PPM1H: variants seen among roughly 807,000 people sequenced by gnomAD.
PPM1H encodes protein phosphatase 1H.
PPM1H carries 27 observed loss-of-function variants against 54.9 expected under a neutral mutation model. The observed-to-expected ratio is 0.49, with a 90% confidence interval of 0.36 to 0.68. The LOEUF is 0.68. Ranked by LOEUF, PPM1H falls within the 30% of genes least tolerant of loss-of-function variation. The pLI is 0.00. For missense variants in PPM1H, 596 were observed against 667.8 expected (o/e 0.89, Z 1.19); for synonymous variants, 305 against 270.8 (o/e 1.13, Z -1.24).
intron 8 of PPM1H, among the ~76,000 whole-genome samples, chr12:62,684,997 T>TC (rs896726913): frequency 2.0e-5 from 3 of 151,980 alleles, no homozygotes; most frequent in Non-Finnish European, 2.9e-5. Flanking sequence ...CTCTTCCGCT[T>TC]CCCTTCTAAC....
At chr12:62,658,779 A>AAAAG (rs1181486989) in intron 9 of PPM1H, 3 of 434,658 alleles carry the variant, frequency 6.9e-6, no homozygotes, top group African/African-American at 2.0e-5. Flanking sequence ...ACTGTGATAG[A>AAAAG]AAAGAAAGAA....
chr12:62,902,147 G>T (rs1871177794), intron 1 of PPM1H, among the ~76,000 whole-genome samples: 1 of 151,944 alleles, frequency 6.6e-6, no homozygotes, highest in Non-Finnish European at 1.5e-5. Flanking sequence ...CAGATCACGA[G>T]GTCAGGAGTT....
chr12:62,704,002 G>A (rs914060682), intron 6 of PPM1H, among the ~76,000 whole-genome samples: 3 of 151,808 alleles, frequency 2.0e-5, no homozygotes, highest in Admixed American at 2.0e-4. Flanking sequence ...GTGTGTGTGT[G>A]TGTGTGTGTG....
At chr12:62,820,500 G>A (rs933287895) in intron 2 of PPM1H, among the ~76,000 whole-genome samples, 7 of 152,204 alleles carry the variant, frequency 4.6e-5, no homozygotes, top group African/African-American at 1.2e-4. Context: ...ATTAGGGGCC[G>A]ACTGACACCT....
At chr12:62,906,056 G>A (rs916681513) in intron 1 of PPM1H, among the ~76,000 whole-genome samples, 1 of 152,154 alleles carries the variant, frequency 6.6e-6, no homozygotes, top group Admixed American at 6.5e-5. Flanking sequence ...ATATAAAATG[G>A]AGCCTAGCCA....
At chr12:62,723,611 A>G (rs2076274915) in intron 5 of PPM1H, among the ~76,000 whole-genome samples, 2 of 152,166 alleles carry the variant, frequency 1.3e-5, no homozygotes, top group Admixed American at 1.3e-4. Context: ...AGAGCAAGAA[A>G]GCCCTTACCA....
chr12:62,777,882 C>T lies in PPM1H; in HGVS notation c.869+10344G>A, dbSNP rs190415391. Among the ~76,000 whole-genome samples the T allele has an allele frequency of 7.0e-4, 107 of 152,290 alleles. No homozygotes were observed. In the East Asian group the frequency reaches 0.014, roughly 21 times the overall value. On this transcript the variant is annotated intron_variant, in intron 4 of 9. Transcript: ENST00000228705. ...ATCTTTGCTTTCTATGATGAACTTT[C>T]CAAAGACAAATATTTGGTATGCTGT...
chr12:62,892,178 A>G (rs1870821552), intron 1 of PPM1H, among the ~76,000 whole-genome samples: 1 of 152,218 alleles, frequency 6.6e-6, no homozygotes, highest in Non-Finnish European at 1.5e-5. Context: ...TCTAAATTCA[A>G]CTTTTTTTCC....
At chr12:62,654,203 G>T (rs2075831083) in intron 9 of PPM1H, among the ~76,000 whole-genome samples, 1 of 114,776 alleles carries the variant, frequency 8.7e-6, no homozygotes, top group Non-Finnish European at 1.7e-5. Context: ...GGGTGACAGA[G>T]AGAGACTCTT....
intron 9 of PPM1H, among the ~76,000 whole-genome samples, chr12:62,656,847 G>A (rs2075847048): frequency 6.6e-6 from 1 of 152,118 alleles, no homozygotes; most frequent in South Asian, 2.1e-4. Context: ...TGGCGTCTTG[G>A]TGGGTGGAGG....
chr12:62,828,595 C>T (rs907358231), intron 2 of PPM1H, among the ~76,000 whole-genome samples: 10 of 152,184 alleles, frequency 6.6e-5, no homozygotes, highest in Non-Finnish European at 5.9e-5. Flanking sequence ...TTTTGTCTCC[C>T]TCTACGAATG....
intron 4 of PPM1H, among the ~76,000 whole-genome samples, chr12:62,740,536 C>T (rs1394784073): frequency 6.6e-6 from 1 of 152,270 alleles, no homozygotes; most frequent in East Asian, 1.9e-4. Flanking sequence ...TAGGTTAGAC[C>T]CCTATCCCTC....
chr12:62,836,230 G>A (rs1014604705), intron 1 of PPM1H, among the ~76,000 whole-genome samples: 32 of 152,220 alleles, frequency 2.1e-4, no homozygotes, highest in African/African-American at 7.7e-4. Flanking sequence ...AAGAGGGAAA[G>A]TATTTTTCTG....
rs1555186791 is a variant in PPM1H at position 62,658,212 on chromosome 12, T to TA, written c.1397+8965dup. On this transcript the variant is annotated intron_variant, in intron 9 of 9. Transcript: ENST00000228705. ...TTTTTTTTTTTTTTTTTTTTTTTTTTAAGTAAAAAAGAAGTTTCCACAGAC... is the reference window on the plus strand; with the variant it reads ...TTTTTTTTTTTTTTTTTTTTTTTTTTAAAGTAAAAAAGAAGTTTCCACAGAC... 1.4e-3 allele frequency among the ~76,000 whole-genome samples: 180 copies of TA among 130,590 alleles called. 1 individual carries two copies. Among genetic ancestry groups the TA allele is most frequent in the Non-Finnish European group, 2.4e-3 (149 of 62,724 alleles). The allele number at this position is 130,590 out of a possible 152,430, so 85.7% of individuals were successfully genotyped here.
intron 3 of PPM1H, among the ~76,000 whole-genome samples, chr12:62,791,211 A>G (rs541452829): frequency 4.6e-5 from 7 of 152,326 alleles, no homozygotes; most frequent in Admixed American, 6.5e-5. Context: ...CCATGCTTCA[A>G]TTAAAATGCT....
At chr12:62,817,152 T>TAAAAAAAAAAAAAAAAAAAAAAAAA (rs2076873724) in intron 2 of PPM1H, among the ~76,000 whole-genome samples, 2 of 63,144 alleles carry the variant, frequency 3.2e-5, no homozygotes, top group South Asian at 5.9e-4. Context: ...AAAAAAAAAC[T>TAAAAAAAAAAAAAAAAAAAAAAAAA]AAAAAAAAGA....
rs1201186436 is a variant in PPM1H, at chr12:62,934,830, G to A, written c.-94C>T. 1.5e-5 allele frequency: 18 copies of A among 1,210,862 alleles called. No homozygotes were observed. Among genetic ancestry groups the A allele is most frequent in the Non-Finnish European group, 1.7e-5 (16 of 960,748 alleles). 75.0% of individuals were successfully genotyped at this position (1,210,862 alleles called of 1,614,324 possible). A position where few individuals can be genotyped will look rare whatever the true frequency, so the allele number is the denominator to read the frequency against. On this transcript the variant is annotated 5_prime_UTR_variant, in exon 1 of 10. Transcript: ENST00000228705. The surrounding 1 kb of genome is among the most constrained non-coding windows in gnomAD (Gnocchi z 4.2). Reference sequence around the variant, plus strand: ...GGCATGCAGGCTGCGGTGGGCGCCGGGCGCACGGCGAGTCGGGCCACTGGG... The same window carrying A: ...GGCATGCAGGCTGCGGTGGGCGCCGAGCGCACGGCGAGTCGGGCCACTGGG...
chr12:62,882,587 G>A (rs1367477929), intron 1 of PPM1H, among the ~76,000 whole-genome samples: 2 of 152,228 alleles, frequency 1.3e-5, no homozygotes, highest in South Asian at 2.1e-4. Flanking sequence ...TATCCCTTTC[G>A]TTGCAAGGAC....
chr12:62,783,162 C>T (rs918546151), intron 4 of PPM1H, among the ~76,000 whole-genome samples: 1 of 152,154 alleles, frequency 6.6e-6, no homozygotes, highest in Non-Finnish European at 1.5e-5. Flanking sequence ...AGTCTTAGAA[C>T]TTTGGGACGC....
Sources: allele counts gnomAD v4.1 joint callset (sites outside exome capture counted in the v4.1 genomes callset), GRCh38; gene constraint gnomAD v4.1.1; non-coding constraint Gnocchi (gnomAD v3.1); transcripts MANE v1.5; gene names NCBI Gene and HGNC (gene_info 2026-07-23, HGNC 2026-07-21).